The following GRIA4 variants were observed in gnomAD, a reference collection of about 807,000 sequenced individuals.
GRIA4 encodes the protein glutamate receptor 4.
GRIA4 carries 34 observed loss-of-function variants against 104.0 expected under a neutral mutation model. The observed-to-expected ratio is 0.33, with a 90% CI of 0.25 to 0.44. The LOEUF is 0.44. Ranked by LOEUF, GRIA4 falls within the 20% of genes least tolerant of loss-of-function variation. GRIA4 has a pLI of 1.00. For synonymous variants in GRIA4, 386 were observed against 381.9 expected, an observed-to-expected ratio of 1.01 and a Z score of -0.13; for missense variants, 750 against 1,096.5, an observed-to-expected ratio of 0.68 and a Z score of 4.46.
chr11:105,743,357 C>T (rs759483320), intron 3 of GRIA4, among the ~76,000 whole-genome samples: 3 of 152,154 alleles, frequency 2.0e-5, no homozygotes, highest in Non-Finnish European at 4.4e-5. Flanking sequence ...CAAACGCAAA[C>T]CTGAAAAATC....
intron 13 of GRIA4, among the ~76,000 whole-genome samples, chr11:105,928,687 T>C (rs140636189): frequency 1.3e-5 from 2 of 152,190 alleles, no homozygotes; most frequent in African/African-American, 4.8e-5. Flanking sequence ...AAGACATTAT[T>C]TGCAGGCTCA....
At chr11:105,913,263 A>G (rs1177275631) in intron 10 of GRIA4, 1 of 445,072 alleles carries the variant, frequency 2.2e-6, no homozygotes, top group Non-Finnish European at 3.0e-6. Context: ...TATATTAGCT[A>G]TCTTTATTAA....
chr11:105,649,485 A>T (rs1315220895), intron 3 of GRIA4, among the ~76,000 whole-genome samples: 2 of 152,184 alleles, frequency 1.3e-5, no homozygotes, highest in Non-Finnish European at 2.9e-5. Context: ...TATTTGATAG[A>T]CAAGGTTTAA....
chr11:105,749,889 A>T (rs553826307), intron 3 of GRIA4, among the ~76,000 whole-genome samples: 1 of 152,208 alleles, frequency 6.6e-6, no homozygotes, highest in South Asian at 2.1e-4. Context: ...TAAAATATAG[A>T]GCAATCTAAT....
At position 105,888,271 on chromosome 11, in the gene GRIA4, C is replaced by CTTTTTTTTTTTTTTTTT. The variant is rs71469040; in HGVS notation, c.726+713_726+729dup. Among the ~76,000 whole-genome samples, 5 of 54,560 alleles carry CTTTTTTTTTTTTTTTTT rather than the reference C, an allele frequency of 9.2e-5. 2 individuals carry two copies. The highest frequency in any genetic ancestry group is 4.0e-4 in the African/African-American group (5 of 12,514). 35.8% of individuals were successfully genotyped at this position (54,560 alleles called of 152,430 possible). On this transcript the variant is annotated intron_variant, in intron 6 of 16. Transcript: ENST00000282499. ...TTGGAGAAGTTAAGGATGTTTTCTCCTTTTTTTTTTTTTTTTTTTTTTTTT... is the reference window on the plus strand; with the variant it reads ...TTGGAGAAGTTAAGGATGTTTTCTCCTTTTTTTTTTTTTTTTTTTTTTTTTTTTTTTTTTTTTTTTTT...
chr11:105,730,557 C>T (rs1405156802), intron 3 of GRIA4, among the ~76,000 whole-genome samples: 1 of 152,094 alleles, frequency 6.6e-6, no homozygotes, highest in Non-Finnish European at 1.5e-5. Context: ...CGAAAAAGAG[C>T]CTGTATAGCC....
chr11:105,840,505 C>A (rs1591332211), intron 4 of GRIA4, among the ~76,000 whole-genome samples: 1 of 152,094 alleles, frequency 6.6e-6, no homozygotes, highest in South Asian at 2.1e-4. Flanking sequence ...CTTATTTTAA[C>A]AGAAATGTCC....
intron 3 of GRIA4, among the ~76,000 whole-genome samples, chr11:105,677,843 A>G (rs1176018578): frequency 6.6e-6 from 1 of 152,016 alleles, no homozygotes; most frequent in Non-Finnish European, 1.5e-5. Flanking sequence ...GTTAATGTGC[A>G]TGAACAAAGT....
At chr11:105,818,077 G>T (rs1307644103) in intron 4 of GRIA4, among the ~76,000 whole-genome samples, 1 of 152,072 alleles carries the variant, frequency 6.6e-6, no homozygotes, top group East Asian at 1.9e-4. Context: ...TAAAAATACA[G>T]CATGGGTCAT....
At chr11:105,688,448 C>G (rs955658011) in intron 3 of GRIA4, among the ~76,000 whole-genome samples, 2 of 152,030 alleles carry the variant, frequency 1.3e-5, no homozygotes, top group South Asian at 4.2e-4. Context: ...GTAGTCCCAG[C>G]TACTGGGGAG....
At chr11:105,652,610 T>G (rs1951715297) in intron 3 of GRIA4, among the ~76,000 whole-genome samples, 1 of 152,192 alleles carries the variant, frequency 6.6e-6, no homozygotes, top group Non-Finnish European at 1.5e-5. Context: ...TTCAGATAAG[T>G]TGTGGCCTTT....
chr11:105,647,701 C>G (rs1951568887), intron 3 of GRIA4, among the ~76,000 whole-genome samples: 1 of 152,126 alleles, frequency 6.6e-6, no homozygotes, highest in South Asian at 2.1e-4. Context: ...GAACAGAAAA[C>G]CAAATACTGC....
At chr11:105,965,443 A>T (rs1478863325) in intron 14 of GRIA4, among the ~76,000 whole-genome samples, 1 of 151,754 alleles carries the variant, frequency 6.6e-6, no homozygotes, top group East Asian at 1.9e-4. Flanking sequence ...TAAATCGAGC[A>T]CACTAAACCC....
At chr11:105,964,335 G>A (rs534844) in intron 14 of GRIA4, among the ~76,000 whole-genome samples, 98,466 of 151,992 alleles carry the variant, frequency 0.65, 31,930 homozygotes, top group Middle Eastern at 0.72. Context: ...TAAGTGTGTG[G>A]TTTACTTATG....
At chr11:105,651,283 C>A (rs771679557) in intron 3 of GRIA4, among the ~76,000 whole-genome samples, 1 of 152,040 alleles carries the variant, frequency 6.6e-6, no homozygotes, top group Non-Finnish European at 1.5e-5. Flanking sequence ...TGGCTCATGA[C>A]CTCTTCGAAG....
intron 4 of GRIA4, among the ~76,000 whole-genome samples, chr11:105,800,944 C>A (rs1461299299): frequency 6.6e-6 from 1 of 151,826 alleles, no homozygotes; most frequent in Non-Finnish European, 1.5e-5. Context: ...TACAGGAAGT[C>A]AACTCAGAAC....
chr11:105,949,376 A>C (rs1270668752), intron 14 of GRIA4, among the ~76,000 whole-genome samples: 2 of 152,154 alleles, frequency 1.3e-5, no homozygotes, highest in Non-Finnish European at 2.9e-5. Context: ...AAATAGCACG[A>C]GGTTAATTCA....
At chr11:105,666,635 T>C (rs1952173993) in intron 3 of GRIA4, among the ~76,000 whole-genome samples, 1 of 152,014 alleles carries the variant, frequency 6.6e-6, no homozygotes, top group South Asian at 2.1e-4. Context: ...TTCCTTAATA[T>C]TTGGTGATGT....
intron 4 of GRIA4, among the ~76,000 whole-genome samples, chr11:105,845,491 T>C (rs1591339714): frequency 6.6e-6 from 1 of 152,068 alleles, no homozygotes; most frequent in Admixed American, 6.6e-5. Context: ...AAGAAGAGCA[T>C]GTAGGAAGAT....
Sources: allele counts gnomAD v4.1 joint callset (sites outside exome capture counted in the v4.1 genomes callset), GRCh38; gene constraint gnomAD v4.1.1; transcripts MANE v1.5; gene names NCBI Gene and HGNC (gene_info 2026-07-23, HGNC 2026-07-21).